Variants in PPP2R3B observed in about 807,000 individuals in gnomAD.
The protein encoded by PPP2R3B is serine/threonine-protein phosphatase 2A regulatory subunit B'' subunit beta.
In PPP2R3B, 68 loss-of-function variants were observed where a neutral mutation model predicts 72.9. The observed-to-expected ratio is 0.93, with a 90% CI of 0.77 to 1.14. The LOEUF is 1.14. PPP2R3B is among the 50% of genes most tolerant of loss of function. PPP2R3B has a pLI of 0.00. For synonymous variants in PPP2R3B, 466 were observed against 375.8 expected, an observed-to-expected ratio of 1.24 and a Z score of -2.78; for missense variants, 1,018 against 842.0, an observed-to-expected ratio of 1.21 and a Z score of -2.59.
Position 364,802 on chromosome X carries a change from C to A in PPP2R3B, c.325-3212G>T, listed in dbSNP as rs75042023. On this transcript the variant is annotated intron_variant, in intron 1 of 12. Transcript: ENST00000390665. ...GGAGGCTGAGGCAGGAGAATCGCTT[C>A]AACACAGGAGGCGGAGGTTGCAGTG... Among the ~76,000 whole-genome samples the A allele has an allele frequency of 6.2e-3, 349 of 56,084 alleles. 1 individual carries two copies. Among genetic ancestry groups the A allele is most frequent in the South Asian group, 8.6e-3 (10 of 1,166 alleles). The allele number at this position is 56,084 out of a possible 152,430, so 36.8% of individuals were successfully genotyped here.
chrX:364,681 GC>G (rs2071659980), intron 1 of PPP2R3B, among the ~76,000 whole-genome samples: 1 of 94,382 alleles, frequency 1.1e-5, no homozygotes, highest in South Asian at 3.7e-4. Context: ...TCGCACCACT[GC>G]ACTCCAGCCT....
intron 2 of PPP2R3B, among the ~76,000 whole-genome samples, chrX:354,241 A>AGGG (rs2071396385): frequency 1.8e-5 from 1 of 54,094 alleles, no homozygotes; most frequent in Non-Finnish European, 4.1e-5. Flanking sequence ...GGGCTCACCC[A>AGGG]AACACTGGGG....
At chrX:346,370 G>C in intron 5 of PPP2R3B, 110 bp from the exon 6 acceptor site, 1 of 1,067,418 alleles carries the variant, frequency 9.4e-7, no homozygotes, top group Non-Finnish European at 1.4e-6. Flanking sequence ...AGCCGCACGG[G>C]GCCGCCAGGG....
intron 1 of PPP2R3B, among the ~76,000 whole-genome samples, chrX:385,800 A>G (rs2072234783): frequency 6.6e-6 from 1 of 151,922 alleles, no homozygotes; most frequent in South Asian, 2.1e-4. Flanking sequence ...TAAAAAACGG[A>G]CCAGGCGCAG....
In PPP2R3B at chrX:386,790, C is replaced by T; in HGVS notation, c.-99G>A. ...ACCGACCTCGGTGATGCGAGCACGG[C>T]CCGCTGAGGGGGCGCGGCGCAGGGA... On this transcript the variant is annotated 5_prime_UTR_variant, in exon 1 of 13. Coordinates refer to ENST00000390665, the MANE Select transcript of PPP2R3B (RefSeq NM_013239.5). 1 of 703,474 alleles carries T rather than the reference C, an allele frequency of 1.4e-6. No homozygotes were observed. Among genetic ancestry groups the T allele is most frequent in the Non-Finnish European group, 1.9e-6 (1 of 531,996 alleles). The allele number at this position is 703,474 out of a possible 1,614,324, so 43.6% of individuals were successfully genotyped here. A position where few individuals can be genotyped will look rare whatever the true frequency, so the allele number is the denominator to read the frequency against.
chrX:380,359 G>C (rs1032649815), intron 1 of PPP2R3B, among the ~76,000 whole-genome samples: 1 of 152,184 alleles, frequency 6.6e-6, no homozygotes, highest in Non-Finnish European at 1.5e-5. Flanking sequence ...TCGCAACTCA[G>C]TGATAACATA....
In PPP2R3B at chrX:384,982, CAAAAAAAA is replaced by C. The variant is rs773590401; in HGVS notation, c.324+1378_324+1385del. Among the ~76,000 whole-genome samples the C allele has an allele frequency of 4.5e-3, 286 of 63,080 alleles. 3 individuals are homozygous for C. The highest frequency in any genetic ancestry group is 0.034 in the Middle Eastern group (5 of 146). The allele number at this position is 63,080 out of a possible 152,430, so 41.4% of individuals were successfully genotyped here. A position where few individuals can be genotyped will look rare whatever the true frequency, so the allele number is the denominator to read the frequency against. ...CCTGGGTGAGAGTGAGAATCTGTCT[CAAAAAAAA>C]AAAAAAAAAAAAAAAACTGATTGCA... On this transcript the variant is annotated intron_variant, in intron 1 of 12. Transcript: ENST00000390665.
intron 4 of PPP2R3B, 40 bp from the exon 5 acceptor site, chrX:346,815 G>A (rs2071226166): frequency 1.3e-6 from 2 of 1,569,208 alleles, no homozygotes; most frequent in African/African-American, 1.4e-5. Flanking sequence ...TGTAGACGCC[G>A]GCCCTCCCGT....
At chrX:345,038 G>A (rs2071167051) in intron 7 of PPP2R3B, 1 of 380,810 alleles carries the variant, frequency 2.6e-6, no homozygotes, top group Non-Finnish European at 5.2e-6. Flanking sequence ...GGAGGCAGTG[G>A]CTGCTGTGAG....
intron 9 of PPP2R3B, 124 bp from the exon 10 acceptor site, chrX:341,064 C>T (rs28513818): frequency 2.9e-5 from 39 of 1,365,286 alleles, no homozygotes; most frequent in Middle Eastern, 5.3e-4. Context: ...CCCCACCGGG[C>T]GTGCAGGCAT....
chrX:360,762 C>G (rs1161293301), intron 2 of PPP2R3B, among the ~76,000 whole-genome samples: 1 of 152,210 alleles, frequency 6.6e-6, no homozygotes, highest in Non-Finnish European at 1.5e-5. Context: ...GGAAACACAA[C>G]CACCCACCAG....
At chrX:372,082 T>A (rs2071878386) in intron 1 of PPP2R3B, among the ~76,000 whole-genome samples, 1 of 152,164 alleles carries the variant, frequency 6.6e-6, no homozygotes, top group East Asian at 1.9e-4. Context: ...TCCAGCCACG[T>A]GCGAGCTAAT....
chrX:345,501 T>G lies in PPP2R3B; in HGVS notation c.1036+15A>C. 1 of 1,564,460 alleles carries G rather than the reference T, an allele frequency of 6.4e-7. No individual in the cohort carries two copies. The highest frequency in any genetic ancestry group is 8.8e-7 in the Non-Finnish European group (1 of 1,137,510). On this transcript the variant is annotated intron_variant, in intron 7 of 12. Transcript: ENST00000390665. The stretch of plus-strand genomic sequence containing the variant: ...GGTGTCCGCGCGGCCCGCCCGCCCC[T>G]GTGCCCCCACGCACCGTGGTCATTG...
chrX:346,115 G>A (rs2071204397), intron 6 of PPP2R3B, 59 bp downstream of exon 6: 1 of 1,248,466 alleles, frequency 8.0e-7, no homozygotes, highest in African/African-American at 1.7e-5. Context: ...AGGGAAGGGA[G>A]TGGAGGTAGG....
At chrX:378,883 C>T (rs2072056047) in intron 1 of PPP2R3B, among the ~76,000 whole-genome samples, 2 of 152,228 alleles carry the variant, frequency 1.3e-5, no homozygotes, top group African/African-American at 2.4e-5. Flanking sequence ...AAGCTACAGT[C>T]CCTGGGCAAG....
At chrX:376,814 C>T (rs1472118206) in intron 1 of PPP2R3B, among the ~76,000 whole-genome samples, 1 of 121,574 alleles carries the variant, frequency 8.2e-6, no homozygotes, top group Non-Finnish European at 1.8e-5. Context: ...CTATACACTA[C>T]TGTATACAGG....
chrX:384,681 G>C (rs2072205754), intron 1 of PPP2R3B, among the ~76,000 whole-genome samples: 1 of 152,014 alleles, frequency 6.6e-6, no homozygotes, highest in African/African-American at 2.4e-5. Flanking sequence ...CTACAGCTTT[G>C]ACTGGGAAAA....
chrX:362,906 C>G (rs1363488083), intron 1 of PPP2R3B, among the ~76,000 whole-genome samples: 1 of 151,244 alleles, frequency 6.6e-6, no homozygotes, highest in Non-Finnish European at 1.5e-5. Context: ...TCCCACAGCG[C>G]CCCAACTGTC....
rs367857634 is a variant in PPP2R3B at position 338,767 on chromosome X, G to A, written c.1470+11C>T. 5.5e-5 allele frequency: 88 copies of A among 1,612,172 alleles called. No homozygotes were observed. The African/African-American group carries it at 9.3e-4, about 17-fold the overall frequency. On this transcript the variant is annotated intron_variant, in intron 11 of 12. Transcript: ENST00000390665. ...GTGGCGCGGCCCGGCCCGCGTGCCC[G>A]CCGCACTCACCCTGAGCAGGGAGAT...
Sources: gnomAD v4.1 joint callset for allele counts (sites outside exome capture counted in the v4.1 genomes callset) on GRCh38, gnomAD v4.1.1 for gene constraint, MANE v1.5 for transcripts, NCBI Gene and HGNC (gene_info 2026-07-23, HGNC 2026-07-21) for gene names.